TRPC5: variants seen among roughly 807,000 people sequenced by gnomAD.
TRPC5 encodes the protein short transient receptor potential channel 5.
TRPC5 carries 9 observed loss-of-function variants against 56.5 expected under a neutral mutation model. The observed-to-expected ratio is 0.16, with a 90% CI of 0.10 to 0.28. The LOEUF (loss-of-function observed/expected upper bound fraction) is 0.28, where lower values mean the gene tolerates loss of function less well. Ranked by LOEUF, TRPC5 falls within the 10% of genes least tolerant of loss-of-function variation. The pLI is 1.00. For synonymous variants in TRPC5, 282 were observed against 278.5 expected (o/e 1.01, Z -0.13); for missense variants, 469 against 748.9 (o/e 0.63, Z 4.36).
chrX:111,960,101 C>T (rs1927335959), intron 1 of TRPC5, among the ~76,000 whole-genome samples: 1 of 112,066 alleles, frequency 8.9e-6, no homozygotes, highest in Admixed American at 9.5e-5. Context: ...CTACATGTGG[C>T]TCACGGTTAC....
intron 1 of TRPC5, among the ~76,000 whole-genome samples, chrX:112,064,702 G>A (rs1243531668): frequency 8.9e-6 from 1 of 112,232 alleles, no homozygotes; most frequent in Non-Finnish European, 1.9e-5. Context: ...GAAAGGGAAG[G>A]CATCTCTCTT....
intron 3 of TRPC5, among the ~76,000 whole-genome samples, chrX:111,907,900 C>T (rs1925684620): frequency 2.7e-5 from 3 of 111,001 alleles, no homozygotes; most frequent in Non-Finnish European, 5.7e-5. Flanking sequence ...ACAGACTTAT[C>T]AGTCTGATTC....
intron 3 of TRPC5, among the ~76,000 whole-genome samples, chrX:111,869,592 AT>A (rs1322421391): frequency 8.9e-6 from 1 of 112,289 alleles, no homozygotes; most frequent in Non-Finnish European, 1.9e-5. Flanking sequence ...TAGAACGCAT[AT>A]TTTTTTAAAG....
intron 3 of TRPC5, among the ~76,000 whole-genome samples, chrX:111,899,092 C>G (rs1009355743): frequency 4.5e-5 from 5 of 110,211 alleles, no homozygotes; most frequent in African/African-American, 1.6e-4. Flanking sequence ...TCAAGTTTCT[C>G]CTTGCCCTCT....
Position 111,790,543 on chromosome X carries a change from GAACTAT to G in TRPC5, c.1897-8411_1897-8406del, listed in dbSNP as rs750215333. On this transcript the variant is annotated intron_variant, in intron 7 of 10. Transcript: ENST00000262839. ...CTGTACGTTGTGCACATGTACCCTAGAACTATAAGTATCATAAATAAATAAATAGGG... is the reference window on the plus strand; with the variant it reads ...CTGTACGTTGTGCACATGTACCCTAGAAGTATCATAAATAAATAAATAGGG... Among the ~76,000 whole-genome samples the G allele has an allele frequency of 3.6e-4, 40 of 111,407 alleles. 1 individual carries two copies. The highest frequency in any genetic ancestry group is 6.2e-4 in the Non-Finnish European group (33 of 52,999).
At chrX:111,868,564 T>G (rs990003784) in intron 3 of TRPC5, among the ~76,000 whole-genome samples, 2 of 112,516 alleles carry the variant, frequency 1.8e-5, no homozygotes, top group Admixed American at 1.9e-4. Flanking sequence ...AGGTCTGTGG[T>G]TCTCTAAAGT....
rs147154997 is a variant in TRPC5 at position 112,057,711 on chromosome X, T to G, written c.-22+24168A>C. Among the ~76,000 whole-genome samples the G allele has an allele frequency of 1.2e-4, 14 of 112,328 alleles. No individual in the cohort carries two copies. In the East Asian group the frequency reaches 3.6e-3, roughly 29 times the overall value. Reference sequence around the variant, plus strand: ...ACTTGTCCATAACTGAGATCTCAAATAGATGATCATCGTTTCCAGATGGAT... The same window carrying G: ...ACTTGTCCATAACTGAGATCTCAAAGAGATGATCATCGTTTCCAGATGGAT... On this transcript the variant is annotated intron_variant, in intron 1 of 10. Coordinates refer to ENST00000262839, the MANE Select transcript of TRPC5 (RefSeq NM_012471.3).
Position 111,912,486 on chromosome X carries a change from A to G in TRPC5, c.705T>C (p.Asn235=), listed in dbSNP as rs1925847779. 8.3e-7 allele frequency: 1 copy of G among 1,211,358 alleles called. No homozygotes were observed. The highest frequency in any genetic ancestry group is 1.7e-5 in the African/African-American group (1 of 57,694). ...GCTCCTCATACTCGGCCTTGAACTC[A>G]TTCTCCACCTTGCTGAGCTCCTTGA... The part of the protein sequence containing the change: ...WELKELSKVE[N]EFKAEYEELS... Residue 235 remains asparagine, a synonymous_variant, in exon 3 of 11, where the codon AAT becomes AAC. Transcript: ENST00000262839.
intron 7 of TRPC5, among the ~76,000 whole-genome samples, chrX:111,819,069 C>T (rs772841425): frequency 1.3e-4 from 15 of 111,452 alleles, no homozygotes; most frequent in African/African-American, 3.9e-4. Context: ...ATGGGGCAGA[C>T]GCTAGATGCC....
intron 1 of TRPC5, among the ~76,000 whole-genome samples, chrX:112,035,183 G>C (rs995463019): frequency 9.3e-6 from 1 of 107,997 alleles, no homozygotes; most frequent in Non-Finnish European, 1.9e-5. Flanking sequence ...CCCATGAATG[G>C]GTCATACTTA....
At chrX:111,825,832 C>G (rs1413237184) in intron 7 of TRPC5, among the ~76,000 whole-genome samples, 1 of 111,225 alleles carries the variant, frequency 9.0e-6, no homozygotes, top group African/African-American at 3.3e-5. Flanking sequence ...TGGAGTTGAG[C>G]CCCAGAGGAG....
intron 3 of TRPC5, among the ~76,000 whole-genome samples, chrX:111,910,257 C>T (rs897583983): frequency 1.2e-4 from 13 of 111,673 alleles, no homozygotes; most frequent in Admixed American, 4.8e-4. Context: ...TTTTTTCTCA[C>T]AGTATTATAA....
At chrX:111,873,302 A>G (rs1235465308) in intron 3 of TRPC5, among the ~76,000 whole-genome samples, 1 of 111,616 alleles carries the variant, frequency 9.0e-6, no homozygotes, top group East Asian at 2.8e-4. Context: ...TAAACATCGA[A>G]TACACATTAA....
intron 1 of TRPC5, among the ~76,000 whole-genome samples, chrX:112,000,189 A>G (rs190626061): frequency 3.6e-5 from 4 of 111,507 alleles, no homozygotes; most frequent in Non-Finnish European, 7.5e-5. Context: ...CAGATTTCTA[A>G]AACAGTTTAT....
At chrX:111,785,501 C>G (rs1160854936) in intron 7 of TRPC5, among the ~76,000 whole-genome samples, 2 of 107,205 alleles carry the variant, frequency 1.9e-5, no homozygotes, top group Non-Finnish European at 3.8e-5. Flanking sequence ...CAGAGCGCCT[C>G]TTCTCCTCCA....
chrX:111,781,850 C>T (rs1249699486), intron 8 of TRPC5, 85 bp downstream of exon 8: 13 of 876,308 alleles, frequency 1.5e-5, no homozygotes, highest in Non-Finnish European at 2.1e-5. Flanking sequence ...GACCCGAGAC[C>T]GTGCCACTGC....
chrX:111,792,847 G>T (rs1297084082), intron 7 of TRPC5, among the ~76,000 whole-genome samples: 1 of 112,024 alleles, frequency 8.9e-6, no homozygotes, highest in Non-Finnish European at 1.9e-5. Flanking sequence ...AGGCAGTCCA[G>T]CTATTGTTAC....
intron 2 of TRPC5, among the ~76,000 whole-genome samples, chrX:111,917,022 G>T (rs932204539): frequency 2.7e-5 from 3 of 112,966 alleles, no homozygotes; most frequent in Non-Finnish European, 5.6e-5. Flanking sequence ...AACCACTGAG[G>T]GTTTTAATCA....
intron 1 of TRPC5, among the ~76,000 whole-genome samples, chrX:112,076,917 G>A (rs911936353): frequency 4.5e-5 from 5 of 112,002 alleles, no homozygotes; most frequent in Admixed American, 9.5e-5. Flanking sequence ...TAAGATTCAC[G>A]TCAATTAGAA....
Sources: gnomAD v4.1 joint callset for allele counts (sites outside exome capture counted in the v4.1 genomes callset) on GRCh38, gnomAD v4.1.1 for gene constraint, MANE v1.5 for transcripts, NCBI Gene and HGNC (gene_info 2026-07-23, HGNC 2026-07-21) for gene names.